The following NR1I2 variants were observed in gnomAD, a reference collection of about 807,000 sequenced individuals.
NR1I2 encodes the protein nuclear receptor subfamily 1 group I member 2.
In NR1I2, 42 loss-of-function variants were observed where a neutral mutation model predicts 43.3. The ratio of observed to expected loss-of-function variants is 0.97; its 90% CI spans 0.76 to 1.26. The LOEUF (loss-of-function observed/expected upper bound fraction) is 1.26, where lower values mean the gene tolerates loss of function less well. NR1I2 is among the 50% of genes most tolerant of loss of function. NR1I2 has a pLI of 0.00. For synonymous variants in NR1I2, 229 were observed against 215.0 expected (o/e 1.06, Z -0.57); for missense variants, 559 against 566.7 (o/e 0.99, Z 0.14).
At chr3:119,806,635 C>G (rs1358978712) in intron 1 of NR1I2, among the ~76,000 whole-genome samples, 1 of 152,158 alleles carries the variant, frequency 6.6e-6, no homozygotes, top group Non-Finnish European at 1.5e-5. Flanking sequence ...GAGACCCCAG[C>G]TCTGCTGGGA....
intron 1 of NR1I2, among the ~76,000 whole-genome samples, chr3:119,786,998 G>C (rs2107944376): frequency 6.6e-6 from 1 of 152,212 alleles, no homozygotes; most frequent in East Asian, 1.9e-4. Context: ...GAAAAGAAAA[G>C]ATGTTCTGGC....
At chr3:119,794,551 C>T (rs2054968527) in intron 1 of NR1I2, among the ~76,000 whole-genome samples, 1 of 148,992 alleles carries the variant, frequency 6.7e-6, no homozygotes, top group Admixed American at 6.7e-5. Context: ...TGGTCTCATA[C>T]TCCTCACAAT....
At chr3:119,815,236 T>A (rs892700319) in intron 6 of NR1I2, 87 bp from the exon 7 acceptor site, 1 of 1,575,916 alleles carries the variant, frequency 6.3e-7, no homozygotes, top group Non-Finnish European at 8.7e-7. Flanking sequence ...GAAGATGGAA[T>A]GGTGGAAAAC....
intron 6 of NR1I2, 25 bp from the exon 7 acceptor site, chr3:119,815,298 C>G (rs574524450): frequency 1.9e-6 from 3 of 1,596,506 alleles, no homozygotes; most frequent in African/African-American, 2.7e-5. Flanking sequence ...GAGAAGCTGC[C>G]CCTCCATCCT....
chr3:119,792,264 C>A, intron 1 of NR1I2: 2 of 1,541,002 alleles, frequency 1.3e-6, no homozygotes. Context: ...GGTCTCCAGG[C>A]AGGTGAGCGA....
Position 119,812,892 on chromosome 3 carries a change from C to G in NR1I2, c.726C>G (p.His242Gln). Residue 242 changes from histidine to glutamine, a missense_variant, in exon 5 of 9, where the codon CAC becomes CAG. This residue lies in a region of NR1I2 where 323 missense variants were observed against 312.2 expected (regional missense o/e 1.03). Transcript: ENST00000393716. ...AAGAGATCTTCTCCCTGCTGCCCCA[C>G]ATGGCTGACATGTCAACCTACATGT... 6.2e-7 allele frequency: 1 copy of G among 1,614,162 alleles called. No homozygotes were observed. The highest frequency in any genetic ancestry group is 8.5e-7 in the Non-Finnish European group (1 of 1,180,038).
At chr3:119,789,643 T>C (rs531004402) in intron 1 of NR1I2, among the ~76,000 whole-genome samples, 1 of 152,272 alleles carries the variant, frequency 6.6e-6, no homozygotes, top group South Asian at 2.1e-4. Context: ...CAACTATTGA[T>C]GTTACTTTCC....
At chr3:119,783,149 CTTAT>C (rs2054800805) in intron 1 of NR1I2, among the ~76,000 whole-genome samples, 3 of 151,662 alleles carry the variant, frequency 2.0e-5, no homozygotes, top group African/African-American at 7.3e-5. Flanking sequence ...GCCTCAGAGG[CTTAT>C]TTAATCAGTT....
intron 8 of NR1I2, 132 bp downstream of exon 8, chr3:119,815,963 C>T (rs28365099): frequency 5.4e-6 from 4 of 734,560 alleles, no homozygotes; most frequent in South Asian, 3.0e-5. Flanking sequence ...CCAAAGCTCA[C>T]ACTTTTGAGC....
In NR1I2 at chr3:119,805,709, C is replaced by CCCG. The variant is rs1236588953; in HGVS notation, c.-22-1518_-22-1517insGCC. 1.1e-4 allele frequency among the ~76,000 whole-genome samples: 5 copies of CCCG among 44,172 alleles called. 2 individuals are homozygous for CCCG. Among genetic ancestry groups the CCCG allele is most frequent in the South Asian group, 4.1e-3 (2 of 486 alleles). The allele number at this position is 44,172 out of a possible 152,430, so 29.0% of individuals were successfully genotyped here. ...CAGAGCAAGACTTGGTCCCCCCCTC[C>CCCG]CCCCCACCAAAAAAAAAAGAAAAGA... On this transcript the variant is annotated intron_variant, in intron 1 of 8. Transcript: ENST00000393716.
chr3:119,801,354 T>C (rs2107962248), intron 1 of NR1I2, among the ~76,000 whole-genome samples: 1 of 152,342 alleles, frequency 6.6e-6, no homozygotes, highest in Admixed American at 6.5e-5. Context: ...CTAAGCACCG[T>C]GAGAAGCAGG....
chr3:119,806,785 T>TG (rs1272577276), intron 1 of NR1I2, among the ~76,000 whole-genome samples: 1 of 152,176 alleles, frequency 6.6e-6, no homozygotes, highest in Non-Finnish European at 1.5e-5. Context: ...ACACCCCACC[T>TG]GAAAGACTAT....
At chr3:119,791,277 A>G (rs2054914104) in intron 1 of NR1I2, among the ~76,000 whole-genome samples, 1 of 152,166 alleles carries the variant, frequency 6.6e-6, no homozygotes, top group African/African-American at 2.4e-5. Flanking sequence ...GGGCACCAGG[A>G]GCTTCTCTGA....
chr3:119,800,208 G>A (rs538959570), intron 1 of NR1I2, among the ~76,000 whole-genome samples: 7 of 152,142 alleles, frequency 4.6e-5, no homozygotes, highest in Non-Finnish European at 1.0e-4. Flanking sequence ...CATCTTGCAT[G>A]TGAATATCCA....
rs758924346 is a variant in NR1I2, at chr3:119,815,720, C to A, written c.1055-6C>A. The A allele has an allele frequency of 1.9e-6, 3 of 1,611,168 alleles. No homozygotes were observed. The highest frequency in any genetic ancestry group is 1.7e-6 in the Non-Finnish European group (2 of 1,178,564). On this transcript the variant is annotated splice_polypyrimidine_tract_variant and splice_region_variant and intron_variant, in intron 7 of 8. Coordinates refer to ENST00000393716, the MANE Select transcript of NR1I2 (RefSeq NM_003889.4). ...TGATCTTGCACCACACCTCCCTCCC[C>A]TCCAGACCGCCCAGGTGTGCTGCAG... is the stretch of plus-strand genomic sequence containing the variant.
chr3:119,800,492 T>A (rs983392510), intron 1 of NR1I2, among the ~76,000 whole-genome samples: 3 of 152,254 alleles, frequency 2.0e-5, no homozygotes, highest in African/African-American at 7.2e-5. Flanking sequence ...TACTTTTCCA[T>A]AGATCACAGT....
intron 7 of NR1I2, 81 bp downstream of exon 7, chr3:119,815,520 G>T: frequency 2.4e-6 from 3 of 1,262,194 alleles, no homozygotes; most frequent in East Asian, 2.3e-5. Context: ...CTATGGCCTT[G>T]CTCCTCATTC....
chr3:119,792,023 C>G, intron 1 of NR1I2: 1 of 714,520 alleles, frequency 1.4e-6, no homozygotes, highest in Non-Finnish European at 2.6e-6. Context: ...TTATCTTTGA[C>G]CACCGTTCTC....
rs2055221709 is a variant in NR1I2 at position 119,810,317 on chromosome 3, C to T, written c.331+123C>T. On this transcript the variant is annotated intron_variant, in intron 3 of 8. Transcript: ENST00000393716. The stretch of plus-strand genomic sequence containing the variant: ...GAGTGTGCGCGTGAACACACGTGCA[C>T]ATGTGAGCTGGTGTCCGTGTGCAAC... The T allele has an allele frequency of 3.5e-6, 5 of 1,412,718 alleles. No homozygotes were observed. The African/African-American group carries it at 4.3e-5, about 12-fold the overall frequency. 87.5% of individuals were successfully genotyped at this position (1,412,718 alleles called of 1,614,324 possible).
Sources: gnomAD v4.1 joint callset for allele counts (sites outside exome capture counted in the v4.1 genomes callset) on GRCh38, gnomAD v4.1.1 for gene constraint, gnomAD v4.1.1 regional missense constraint, MANE v1.5 for transcripts, NCBI Gene and HGNC (gene_info 2026-07-23, HGNC 2026-07-21) for gene names.